The following KDM4D variants were observed in gnomAD, a reference collection of about 807,000 sequenced individuals.
The protein encoded by KDM4D is lysine demethylase 4D.
For missense variants in KDM4D, 427 were observed against 674.8 expected, an observed-to-expected ratio of 0.63 and a Z score of 4.07; for synonymous variants, 254 against 249.1, an observed-to-expected ratio of 1.02 and a Z score of -0.19.
In KDM4D at chr11:94,998,620, G is replaced by A. The variant is rs782633986; in HGVS notation, c.1248G>A (p.Thr416=). The A allele has an allele frequency of 2.3e-5, 37 of 1,614,026 alleles. 1 individual carries two copies. Among genetic ancestry groups the A allele is most frequent in the South Asian group, 5.5e-5 (5 of 91,092 alleles). ...GATCTGCAGTTAGTGGCACTGCTAC[G>A]CAGCCCCGGGCTGCTGCTGTCCACA... ...PRRSAVSGTA[T]QPRAAAVHSS... is the part of the protein sequence containing the mutation. Residue 416 remains threonine (T), a synonymous_variant, in exon 3 of 3, where the codon ACG becomes ACA. Transcript: ENST00000335080. The surrounding 1 kb of genome is among the most constrained non-coding windows in gnomAD (Gnocchi z 6.7).
intron 2 of KDM4D, among the ~76,000 whole-genome samples, chr11:94,982,979 G>A (rs1176465198): frequency 2.0e-5 from 3 of 151,884 alleles, no homozygotes; most frequent in Non-Finnish European, 4.4e-5. Context: ...AACAGTATTT[G>A]ACAGAACCTG....
In KDM4D at chr11:94,998,705, C is replaced by CGG. The variant is rs1857999366; in HGVS notation, c.1333_1334insGG (p.His445ArgfsTer17). On this transcript the variant is annotated frameshift_variant, in exon 3 of 3. Transcript: ENST00000335080. LOFTEE classifies it low-confidence loss of function (END_TRUNC). This position sits in a 1 kb window ranked among gnomAD's most constrained non-coding sequence, Gnocchi z 6.7. ...CCCTGGTCCATCTGCACAGATTATC[C>CGG]ACCCGTCAAATGGCAGACGTGGTCG... is the stretch of plus-strand genomic sequence containing the variant. 1 of 1,614,082 alleles carries CGG rather than the reference C, an allele frequency of 6.2e-7. No individual in the cohort carries two copies. The highest frequency in any genetic ancestry group is 1.3e-5 in the African/African-American group (1 of 74,928).
intron 2 of KDM4D, among the ~76,000 whole-genome samples, chr11:94,995,765 C>T (rs907505429): frequency 2.0e-5 from 3 of 152,150 alleles, no homozygotes; most frequent in Non-Finnish European, 4.4e-5. Flanking sequence ...ACGAACCTCC[C>T]TCAAGTTCTT....
At position 94,998,569 on chromosome 11, in the gene KDM4D, C is replaced by T; in HGVS notation, c.1197C>T (p.Thr399=). 6.2e-7 allele frequency: 1 copy of T among 1,613,744 alleles called. No homozygotes were observed. Among genetic ancestry groups the T allele is most frequent in the Non-Finnish European group, 8.5e-7 (1 of 1,180,020 alleles). Reference sequence around the variant, plus strand: ...CCCGCAGTGGGACACGGTGCCACACCCTTGTGTGCTCTTCACTCCCACGCC... The same window carrying T: ...CCCGCAGTGGGACACGGTGCCACACTCTTGTGTGCTCTTCACTCCCACGCC... ...MAARSGTRCH[T]LVCSSLPRRS... is the part of the protein sequence containing the mutation. The change falls in exon 3 of 3, where the codon ACC becomes ACT. Residue 399 remains threonine (T), a synonymous_variant. Coordinates refer to ENST00000335080, the MANE Select transcript of KDM4D (RefSeq NM_018039.3). This position sits in a 1 kb window ranked among gnomAD's most constrained non-coding sequence, Gnocchi z 6.7.
At chr11:94,996,265 T>A (rs1319553509) in intron 2 of KDM4D, among the ~76,000 whole-genome samples, 1 of 152,160 alleles carries the variant, frequency 6.6e-6, no homozygotes, top group Non-Finnish European at 1.5e-5. Flanking sequence ...CCTTGATGAG[T>A]TAACACAATG....
At chr11:94,976,504 C>G (rs1555097003) in intron 2 of KDM4D, among the ~76,000 whole-genome samples, 1 of 152,174 alleles carries the variant, frequency 6.6e-6, no homozygotes, top group African/African-American at 2.4e-5. Context: ...CCACACTCTC[C>G]CTTGTGCTCT....
In KDM4D at chr11:94,986,125, G is replaced by C. The variant is rs587664343; in HGVS notation, c.-350+10377G>C. Among the ~76,000 whole-genome samples, 4 of 152,238 alleles carry C rather than the reference G, an allele frequency of 2.6e-5. No individual in the cohort carries two copies. In the East Asian group the frequency reaches 7.7e-4, roughly 29 times the overall value. ...AGTGAAAAGAACACCTGCAGACCTGGAGACCACATTTTCAAATCATATATC... is the reference window on the plus strand; with the variant it reads ...AGTGAAAAGAACACCTGCAGACCTGCAGACCACATTTTCAAATCATATATC... On this transcript the variant is annotated intron_variant, in intron 2 of 2. Coordinates refer to ENST00000335080, the MANE Select transcript of KDM4D (RefSeq NM_018039.3).
In KDM4D at chr11:94,999,324, C is replaced by G. The variant is rs892593956; in HGVS notation, c.*380C>G. The G allele has an allele frequency of 2.9e-4, 51 of 175,796 alleles. 1 individual carries two copies. The highest frequency in any genetic ancestry group is 1.5e-4 in the Non-Finnish European group (11 of 74,322). 10.9% of individuals were successfully genotyped at this position (175,796 alleles called of 1,614,324 possible). ...TGTGAAGAATCCTGAGCTTTGATTC[C>G]TCTTCAGTCTACGCATTTCTCTCTT... On this transcript the variant is annotated 3_prime_UTR_variant, in exon 3 of 3. Transcript: ENST00000335080.
In KDM4D at chr11:94,998,375, C is replaced by T. The variant is rs782698550; in HGVS notation, c.1003C>T (p.Leu335=). ...CATCCTGCAACCTGAACGCTATGAC[C>T]TGTGGAAACGTGGGCAAGACCGGGC... ...VRILQPERYD[L]WKRGQDRAVV... The change falls in exon 3 of 3, where the codon CTG becomes TTG. Residue 335 remains leucine (L), a synonymous_variant. Coordinates refer to ENST00000335080, the MANE Select transcript of KDM4D (RefSeq NM_018039.3). The surrounding 1 kb of genome is among the most constrained non-coding windows in gnomAD (Gnocchi z 6.7). 5 of 1,614,182 alleles carry T rather than the reference C, an allele frequency of 3.1e-6. No individual in the cohort carries two copies. Among genetic ancestry groups the T allele is most frequent in the Non-Finnish European group, 4.2e-6 (5 of 1,180,038 alleles).
chr11:94,998,475 G>A lies in KDM4D; in HGVS notation c.1103G>A (p.Arg368Lys), dbSNP rs200025612. The A allele has an allele frequency of 8.1e-5, 130 of 1,612,522 alleles. No homozygotes were observed. The highest frequency in any genetic ancestry group is 1.0e-4 in the Non-Finnish European group (118 of 1,180,014). Residue 368 changes from arginine to lysine, a missense_variant, in exon 3 of 3, where the codon AGG (arginine) becomes AAG (lysine). By Grantham distance (26) the Arg-to-Lys change is conservative. Coordinates refer to ENST00000335080, the MANE Select transcript of KDM4D (RefSeq NM_018039.3). The surrounding 1 kb of genome is among the most constrained non-coding windows in gnomAD (Gnocchi z 6.7). The part of the protein sequence containing the change: ...LSTQKEVQLP[R>K]RAALGLRQLP... ...ACCCAGAAGGAAGTCCAGTTACCCA[G>A]GAGAGCAGCGCTGGGCCTGAGACAA...
chr11:94,986,795 C>T (rs1356528820), intron 2 of KDM4D, among the ~76,000 whole-genome samples: 1 of 152,148 alleles, frequency 6.6e-6, no homozygotes, highest in Non-Finnish European at 1.5e-5. Context: ...TATCACATGG[C>T]TCAGCAATTA....
rs1258680957 is a variant in KDM4D, at chr11:94,974,013, T to C, written c.-500T>C. On this transcript the variant is annotated 5_prime_UTR_variant, in exon 1 of 3. Transcript: ENST00000335080. ...CTTCGGAAAAACTAGTGTTTTCATT[T>C]AATTGGATATGAAGAAAGAACAAAT... The C allele has an allele frequency of 6.6e-6, 1 of 152,272 alleles. No homozygotes were observed. The highest frequency in any genetic ancestry group is 6.5e-5 in the Admixed American group (1 of 15,284). The allele number at this position is 152,272 out of a possible 1,614,324, so 9.4% of individuals were successfully genotyped here.
Position 94,997,436 on chromosome 11 carries a change from C to T in KDM4D, c.64C>T (p.His22Tyr). Reference sequence around the variant, plus strand: ...TCCAAATTGTAACATAATGATATTTCATCCAACCAAAGAAGAGTTTAATGA... The same window carrying T: ...TCCAAATTGTAACATAATGATATTTTATCCAACCAAAGAAGAGTTTAATGA... Reference protein sequence around the residue: ...QNPNCNIMIFHPTKEEFNDFD... With the variant: ...QNPNCNIMIFYPTKEEFNDFD... The change falls in exon 3 of 3, where the codon CAT becomes TAT. Residue 22 changes from histidine to tyrosine, a missense_variant. His to Tyr is a moderately conservative substitution (Grantham distance 83, BLOSUM62 2). Coordinates refer to ENST00000335080, the MANE Select transcript of KDM4D (RefSeq NM_018039.3). 2 of 1,613,090 alleles carry T rather than the reference C, an allele frequency of 1.2e-6. No homozygotes were observed. The highest frequency in any genetic ancestry group is 1.7e-6 in the Non-Finnish European group (2 of 1,179,318).
intron 2 of KDM4D, among the ~76,000 whole-genome samples, chr11:94,989,208 C>T (rs1417969011): frequency 6.6e-6 from 1 of 151,932 alleles, no homozygotes; most frequent in Non-Finnish European, 1.5e-5. Context: ...TTTTAAAAAG[C>T]TAAAAAGGTT....
chr11:94,995,115 T>G (rs1215863177), intron 2 of KDM4D, among the ~76,000 whole-genome samples: 4 of 152,166 alleles, frequency 2.6e-5, no homozygotes, highest in Non-Finnish European at 5.9e-5. Context: ...AAAACCAATA[T>G]TCTTGGAAAA....
At chr11:94,977,664 T>C (rs923443980) in intron 2 of KDM4D, among the ~76,000 whole-genome samples, 39 of 152,234 alleles carry the variant, frequency 2.6e-4, no homozygotes, top group African/African-American at 8.4e-4. Flanking sequence ...TCTTTTAAAA[T>C]TATATTATAT....
chr11:94,990,305 C>T (rs1857924255), intron 2 of KDM4D, among the ~76,000 whole-genome samples: 2 of 152,164 alleles, frequency 1.3e-5, no homozygotes, highest in Admixed American at 1.3e-4. Flanking sequence ...AGATAGAATT[C>T]TCACCAAGGT....
In KDM4D at chr11:94,990,489, TTGAG is replaced by T. The variant is rs79348701; in HGVS notation, c.-349-6534_-349-6531del. Among the ~76,000 whole-genome samples, 56 of 152,160 alleles carry T rather than the reference TTGAG, an allele frequency of 3.7e-4. No individual in the cohort carries two copies. In the East Asian group the frequency reaches 0.01, roughly 28 times the overall value. On this transcript the variant is annotated intron_variant, in intron 2 of 2. Transcript: ENST00000335080. ...CTGGAACTACGTTTGTATAAGAAAATTGAGAGAGAAATTTGGGAAACAAGAAGCA... is the reference window on the plus strand; with the variant it reads ...CTGGAACTACGTTTGTATAAGAAAATAGAGAAATTTGGGAAACAAGAAGCA...
intron 2 of KDM4D, among the ~76,000 whole-genome samples, chr11:94,977,048 T>G (rs1857803269): frequency 7.2e-6 from 1 of 139,136 alleles, no homozygotes; most frequent in Non-Finnish European, 1.6e-5. Context: ...CTACTGCTAG[T>G]GATACACATA....
Sources: gnomAD v4.1 joint callset for allele counts (sites outside exome capture counted in the v4.1 genomes callset) on GRCh38, gnomAD v4.1.1 for gene constraint, Gnocchi (gnomAD v3.1) non-coding constraint, MANE v1.5 for transcripts, NCBI Gene and HGNC (gene_info 2026-07-23, HGNC 2026-07-21) for gene names.